PTPDC1: variants seen among roughly 807,000 people sequenced by gnomAD.
The protein encoded by PTPDC1 is protein tyrosine phosphatase domain-containing protein 1.
In PTPDC1, 53 loss-of-function variants were observed where a neutral mutation model predicts 75.3. The ratio of observed to expected loss-of-function variants is 0.70; its 90% CI spans 0.56 to 0.88. The LOEUF (loss-of-function observed/expected upper bound fraction) is 0.88, where lower values mean the gene tolerates loss of function less well. Ranked by LOEUF, PTPDC1 falls within the 40% of genes least tolerant of loss-of-function variation. PTPDC1 has a pLI of 0.00. For missense variants in PTPDC1, 925 were observed against 998.6 expected, an observed-to-expected ratio of 0.93 and a Z score of 0.99; for synonymous variants, 349 against 366.2, an observed-to-expected ratio of 0.95 and a Z score of 0.54.
At chr9:94,038,176 C>T (rs372210457) in intron 1 of PTPDC1, 3 of 697,186 alleles carry the variant, frequency 4.3e-6, no homozygotes, top group Middle Eastern at 2.5e-4. Flanking sequence ...GATTCTCTTA[C>T]ACAGACGCCA....
intron 6 of PTPDC1, chr9:94,100,453 A>ATTGGTGTATT: frequency 6.6e-6 from 1 of 152,360 alleles, no homozygotes; most frequent in East Asian, 1.9e-4. Flanking sequence ...ATAACAAAGT[A>ATTGGTGTATT]TTGGTGTATT....
rs73623709 is a variant in PTPDC1, at chr9:94,094,730, C to T, written c.617-587C>T. On this transcript the variant is annotated intron_variant, in intron 4 of 8. Transcript: ENST00000620992. ...ACTGCTGTGCTAACAATCAGCGAGA[C>T]TCCGTGGGCGTAGGACCCTCCGAGC... Among the ~76,000 whole-genome samples the T allele has an allele frequency of 2.6e-5, 4 of 152,244 alleles. No homozygotes were observed. In the East Asian group the frequency reaches 5.8e-4, roughly 22 times the overall value.
At chr9:94,104,203 A>T in intron 7 of PTPDC1, 72 bp from the exon 8 acceptor site, 1 of 964,232 alleles carries the variant, frequency 1.0e-6, no homozygotes, top group Non-Finnish European at 1.6e-6. Context: ...TCTTGACTCT[A>T]CGATAGTTTT....
intron 1 of PTPDC1, among the ~76,000 whole-genome samples, chr9:94,048,235 G>C (rs1825677804): frequency 6.6e-6 from 1 of 151,986 alleles, no homozygotes; most frequent in Non-Finnish European, 1.5e-5. Flanking sequence ...GTTATTTCTT[G>C]CCTTCTGCTA....
rs1346811014 is a variant in PTPDC1 at position 94,061,238 on chromosome 9, CA to C, written c.-6-3495del. On this transcript the variant is annotated intron_variant, in intron 1 of 9. Transcript: ENST00000375360. ...AAAGCTCCAAAATACTCCATGGGAA[CA>C]CTGATGCAAAGGGTGGGCTCCCAAG... is the stretch of plus-strand genomic sequence containing the variant. Among the ~76,000 whole-genome samples the C allele has an allele frequency of 2.0e-5, 3 of 152,314 alleles. No individual in the cohort carries two copies. The East Asian group carries it at 5.8e-4, about 29-fold the overall frequency.
chr9:94,091,693 G>A lies in PTPDC1; in HGVS notation c.616+3430G>A, dbSNP rs966129313. Among the ~76,000 whole-genome samples, 97 of 152,272 alleles carry A rather than the reference G, an allele frequency of 6.4e-4. 1 individual carries two copies. Among genetic ancestry groups the A allele is most frequent in the African/African-American group, 2.2e-3 (93 of 41,534 alleles). ...CTCCTTATACCTCTGGTAGAATTCGGCTGTGAATCCATCTGGTCCTGTACT... is the reference window on the plus strand; with the variant it reads ...CTCCTTATACCTCTGGTAGAATTCGACTGTGAATCCATCTGGTCCTGTACT... On this transcript the variant is annotated intron_variant, in intron 4 of 8. Coordinates refer to ENST00000620992, the MANE Select transcript of PTPDC1 (RefSeq NM_001253829.2).
At chr9:94,050,450 C>A (rs1204040202) in intron 1 of PTPDC1, among the ~76,000 whole-genome samples, 5 of 152,222 alleles carry the variant, frequency 3.3e-5, no homozygotes, top group Non-Finnish European at 7.3e-5. Context: ...CCCTCAGCTG[C>A]AGGTCTGTTG....
intron 1 of PTPDC1, among the ~76,000 whole-genome samples, chr9:94,042,362 A>G (rs565326062): frequency 8.5e-5 from 13 of 152,314 alleles, no homozygotes; most frequent in African/African-American, 3.1e-4. Context: ...TTATACAAGC[A>G]TGCCTCAGAG....
chr9:94,074,871 G>A (rs1293492797), intron 2 of PTPDC1, among the ~76,000 whole-genome samples: 1 of 152,210 alleles, frequency 6.6e-6, no homozygotes, highest in African/African-American at 2.4e-5. Context: ...TAAGATGAAA[G>A]TTATGGGGAA....
intron 1 of PTPDC1, among the ~76,000 whole-genome samples, chr9:94,058,647 A>G (rs1426427195): frequency 6.6e-6 from 1 of 152,086 alleles, no homozygotes; most frequent in Non-Finnish European, 1.5e-5. Context: ...GGGAAGTTGC[A>G]GTGAGCCGAG....
intron 6 of PTPDC1, chr9:94,100,843 T>G (rs183273466): frequency 6.6e-6 from 1 of 152,362 alleles, no homozygotes; most frequent in African/African-American, 2.4e-5. Context: ...ATGAAAATCC[T>G]TATCTCACTT....
intron 1 of PTPDC1, among the ~76,000 whole-genome samples, chr9:94,037,772 A>G (rs574716319): frequency 1.2e-4 from 19 of 152,160 alleles, no homozygotes; most frequent in African/African-American, 4.6e-4. Context: ...CCGTAATCCC[A>G]GGGTACGAGG....
rs1181522181 is a variant in PTPDC1 at position 94,091,966 on chromosome 9, TTC to T, written c.617-3345_617-3344del. ...ATTTTTTATTGCGTCTATTTGATTC[TTC>T]TCTCTTTTTTTCTTTATTAGTCTTG... On this transcript the variant is annotated intron_variant, in intron 4 of 8. Transcript: ENST00000620992. 3.3e-5 allele frequency among the ~76,000 whole-genome samples: 5 copies of T among 150,720 alleles called. No homozygotes were observed. In the East Asian group the frequency reaches 9.7e-4, roughly 29 times the overall value.
chr9:94,052,664 T>G (rs1260409551), intron 1 of PTPDC1, among the ~76,000 whole-genome samples: 1 of 152,256 alleles, frequency 6.6e-6, no homozygotes, highest in African/African-American at 2.4e-5. Flanking sequence ...TGATCAATTT[T>G]GAGTTAATTT....
At chr9:94,071,343 A>AT (rs932551533) in intron 2 of PTPDC1, among the ~76,000 whole-genome samples, 4 of 150,098 alleles carry the variant, frequency 2.7e-5, no homozygotes, top group African/African-American at 9.8e-5. Context: ...TTTATCCACT[A>AT]TTTTTTTTTA....
intron 1 of PTPDC1, among the ~76,000 whole-genome samples, chr9:94,039,947 G>A (rs893395484): frequency 6.6e-6 from 1 of 152,028 alleles, no homozygotes; most frequent in Admixed American, 6.6e-5. Flanking sequence ...TTTACTTAAA[G>A]ATCTTTTATT....
upstream of PTPDC1, among the ~76,000 whole-genome samples, chr9:94,081,087 G>A (rs1271407879): frequency 6.8e-6 from 1 of 147,306 alleles, no homozygotes; most frequent in Admixed American, 7.0e-5. Context: ...CCTTCCAGGT[G>A]CAAGCAATTC....
chr9:94,046,491 T>C (rs1279390629), intron 1 of PTPDC1, among the ~76,000 whole-genome samples: 1 of 152,210 alleles, frequency 6.6e-6, no homozygotes, highest in East Asian at 1.9e-4. Context: ...GGAATGTTCT[T>C]CCATTTGTTT....
At position 94,109,422 on chromosome 9, in the gene PTPDC1, A is replaced by G. The variant is rs1020063960; in HGVS notation, c.*1478A>G. ...ATCAGTCTCATTAACTGAAATGCCAAATGCTAAATGCAGTGTTCTTTCACA... is the reference window on the plus strand; with the variant it reads ...ATCAGTCTCATTAACTGAAATGCCAGATGCTAAATGCAGTGTTCTTTCACA... On this transcript the variant is annotated 3_prime_UTR_variant, in exon 9 of 9. Coordinates refer to ENST00000620992, the MANE Select transcript of PTPDC1 (RefSeq NM_001253829.2). 1 of 152,238 alleles carries G rather than the reference A, an allele frequency of 6.6e-6. No individual in the cohort carries two copies. The highest frequency in any genetic ancestry group is 2.4e-5 in the African/African-American group (1 of 41,454). The allele number at this position is 152,238 out of a possible 1,614,324, so 9.4% of individuals were successfully genotyped here.
Sources: gnomAD v4.1 joint callset for allele counts (sites outside exome capture counted in the v4.1 genomes callset) on GRCh38, gnomAD v4.1.1 for gene constraint, MANE v1.5 for transcripts, NCBI Gene and HGNC (gene_info 2026-07-23, HGNC 2026-07-21) for gene names.